Variants in CPN1 observed in about 807,000 individuals in gnomAD.
CPN1 encodes carboxypeptidase N catalytic chain.
A neutral mutation model predicts 46.4 loss-of-function variants in CPN1; 37 were observed. The ratio of observed to expected loss-of-function variants is 0.80; its 90% CI spans 0.61 to 1.05. The LOEUF (loss-of-function observed/expected upper bound fraction) is 1.05, where lower values mean the gene tolerates loss of function less well. Ranked by LOEUF, CPN1 falls within the 50% of genes least tolerant of loss-of-function variation. The probability of loss-of-function intolerance (pLI) is 0.00; values close to 1 mark genes in which losing one functional copy is unlikely to be tolerated. For missense variants in CPN1, 563 were observed against 602.6 expected (o/e 0.93, Z 0.69); for synonymous variants, 224 against 235.4 (o/e 0.95, Z 0.44).
intron 7 of CPN1, 87 bp downstream of exon 7, chr10:100,054,260 A>G: frequency 9.5e-7 from 1 of 1,048,780 alleles, no homozygotes; most frequent in Admixed American, 1.7e-5. Context: ...TGCTGGTTTC[A>G]CTAGCTTACA....
Position 100,042,371 on chromosome 10 carries a change from T to A in CPN1, c.*56A>T. ...ATAATAAAATAGAAAGAATGCTTGA[T>A]CTGATCTGAGAGCAGGAGCAAAGCC... On this transcript the variant is annotated 3_prime_UTR_variant, in exon 9 of 9. Transcript: ENST00000370418. The A allele has an allele frequency of 6.2e-7, 1 of 1,604,618 alleles. No homozygotes were observed. Among genetic ancestry groups the A allele is most frequent in the South Asian group, 1.1e-5 (1 of 90,852 alleles).
intron 4 of CPN1, 93 bp downstream of exon 4, chr10:100,065,095 G>A: frequency 1.4e-6 from 2 of 1,409,012 alleles, no homozygotes; most frequent in East Asian, 2.3e-5. Context: ...ATTTTCTGTG[G>A]CCTCGCACTG....
chr10:100,042,595 C>T, intron 8 of CPN1, 22 bp from the exon 9 acceptor site: 1 of 1,613,668 alleles, frequency 6.2e-7, no homozygotes, highest in African/African-American at 1.3e-5. Flanking sequence ...AAAGCAGGAG[C>T]TACGAGATCC....
At position 100,081,578 on chromosome 10, in the gene CPN1, C is replaced by T. The variant is rs562025469; in HGVS notation, c.48G>A (p.Lys16=). Residue 16 remains lysine, a synonymous_variant, in exon 1 of 9, where the codon AAG becomes AAA. Coordinates refer to ENST00000370418, the MANE Select transcript of CPN1 (RefSeq NM_001308.3). Reference sequence around the variant, plus strand: ...GGCGAAAGGTCACCGGGGCAACCAACTTGAAGAGAAGGAGGAGGTGGAGGA... The same window carrying T: ...GGCGAAAGGTCACCGGGGCAACCAATTTGAAGAGAAGGAGGAGGTGGAGGA... ...SVFLHLLLLF[K]LVAPVTFRHH... The T allele has an allele frequency of 3.1e-6, 5 of 1,614,200 alleles. No individual in the cohort carries two copies. The African/African-American group carries it at 5.3e-5, about 17-fold the overall frequency.
chr10:100,069,873 A>C lies in CPN1; in HGVS notation c.421-4T>G, dbSNP rs1387995902. 4.3e-6 allele frequency: 7 copies of C among 1,613,492 alleles called. No homozygotes were observed. The South Asian group carries it at 6.6e-5, about 15-fold the overall frequency. On this transcript the variant is annotated splice_polypyrimidine_tract_variant and splice_region_variant and intron_variant, in intron 2 of 8. Transcript: ENST00000370418. ...GATACCCAGGCTTGTTTGGGCCCTA[A>C]AGGAAAATGAAAAGATGAAAAATGA...
chr10:100,047,097 A>G lies in CPN1; in HGVS notation c.1230+1661T>C, dbSNP rs1269901114. Among the ~76,000 whole-genome samples the G allele has an allele frequency of 2.0e-5, 3 of 151,716 alleles. No individual in the cohort carries two copies. The East Asian group carries it at 5.9e-4, about 30-fold the overall frequency. ...GAAAAAAAAAAAAAATTAGCTGGAC[A>G]TGGCGGCATGTGCCTGTAGTCCCAG... is the stretch of plus-strand genomic sequence containing the variant. On this transcript the variant is annotated intron_variant, in intron 8 of 8. Coordinates refer to ENST00000370418, the MANE Select transcript of CPN1 (RefSeq NM_001308.3).
intron 5 of CPN1, among the ~76,000 whole-genome samples, chr10:100,059,483 T>TA (rs2041404894): frequency 6.7e-6 from 1 of 149,510 alleles, no homozygotes; most frequent in African/African-American, 2.5e-5. Flanking sequence ...AGAAGGTATA[T>TA]AAATAGCCAA....
intron 1 of CPN1, among the ~76,000 whole-genome samples, chr10:100,080,588 G>A (rs963765210): frequency 1.3e-5 from 2 of 152,026 alleles, no homozygotes; most frequent in African/African-American, 4.8e-5. Flanking sequence ...TTTTACAGTA[G>A]AAACAAACTA....
intron 2 of CPN1, among the ~76,000 whole-genome samples, chr10:100,074,172 TG>T (rs2041501587): frequency 6.6e-6 from 1 of 152,106 alleles, no homozygotes; most frequent in Non-Finnish European, 1.5e-5. Context: ...ACATCTTTGG[TG>T]GGGGGCATTA....
Position 100,075,912 on chromosome 10 carries a change from T to C in CPN1, c.419A>G (p.Gln140Arg). 1 of 1,613,950 alleles carries C rather than the reference T, an allele frequency of 6.2e-7. No homozygotes were observed. Among genetic ancestry groups the C allele is most frequent in the Non-Finnish European group, 8.5e-7 (1 of 1,180,038 alleles). Residue 140 changes from glutamine to arginine, a missense_variant and splice_region_variant, in exon 2 of 9, where the codon CAG (glutamine) becomes CGG (arginine). By Grantham distance (43) the Gln-to-Arg change is conservative (BLOSUM62 1). Coordinates refer to ENST00000370418, the MANE Select transcript of CPN1 (RefSeq NM_001308.3). ...CGGCATCTCCCTTGGACCTCGTACC[T>C]GGGCAGCAGCCACCTCGTAGCCGTC... is the stretch of plus-strand genomic sequence containing the variant. ...NPDGYEVAAA[Q>R]GPNKPGYLVG...
In CPN1 at chr10:100,054,430, T is replaced by C; in HGVS notation, c.1028A>G (p.Lys343Arg). 1 of 1,613,926 alleles carries C rather than the reference T, an allele frequency of 6.2e-7. No homozygotes were observed. Among genetic ancestry groups the C allele is most frequent in the Non-Finnish European group, 8.5e-7 (1 of 1,179,804 alleles). Residue 343 changes from lysine to arginine, a missense_variant, in exon 7 of 9, where the codon AAG (lysine) becomes AGG (arginine). Physicochemically the swap from Lys to Arg is conservative, Grantham distance 26. Coordinates refer to ENST00000370418, the MANE Select transcript of CPN1 (RefSeq NM_001308.3). The part of the protein sequence containing the change: ...QFLEQVHQGI[K>R]GMVLDENYNN... ...GTAATTCTCATCAAGCACCATTCCC[T>C]TGATGCCCTGGTGAACCTGCAGGAA...
intron 1 of CPN1, 32 bp downstream of exon 1, chr10:100,081,371 C>G: frequency 6.3e-7 from 1 of 1,590,526 alleles, no homozygotes; most frequent in Non-Finnish European, 8.6e-7. Flanking sequence ...AGGCCCTGCC[C>G]CACACACCCT....
intron 5 of CPN1, 83 bp from the exon 6 acceptor site, chr10:100,057,235 A>C (rs1264088999): frequency 2.7e-6 from 4 of 1,495,492 alleles, no homozygotes; most frequent in Non-Finnish European, 3.6e-6. Flanking sequence ...TCTCTTTTTA[A>C]AATTTTCTGT....
At position 100,042,317 on chromosome 10, in the gene CPN1, G is replaced by A. The variant is rs2041279131; in HGVS notation, c.*110C>T. 7.0e-7 allele frequency: 1 copy of A among 1,429,282 alleles called. No homozygotes were observed. The highest frequency in any genetic ancestry group is 9.8e-7 in the Non-Finnish European group (1 of 1,019,816). The allele number at this position is 1,429,282 out of a possible 1,614,324, so 88.5% of individuals were successfully genotyped here. A position where few individuals can be genotyped will look rare whatever the true frequency, so the allele number is the denominator to read the frequency against. The stretch of plus-strand genomic sequence containing the variant: ...GATGGAGACCATTCTGAATTGTTCT[G>A]AATATGTTTGTATTTAAATATGTCC... On this transcript the variant is annotated 3_prime_UTR_variant, in exon 9 of 9. Coordinates refer to ENST00000370418, the MANE Select transcript of CPN1 (RefSeq NM_001308.3).
chr10:100,071,935 T>C (rs563405209), intron 2 of CPN1, among the ~76,000 whole-genome samples: 1 of 152,304 alleles, frequency 6.6e-6, no homozygotes, highest in African/African-American at 2.4e-5. Context: ...TGACTATGTA[T>C]TTCCAAATAA....
intron 2 of CPN1, among the ~76,000 whole-genome samples, chr10:100,071,423 GACC>G (rs2041484402): frequency 1.3e-5 from 2 of 152,068 alleles, no homozygotes; most frequent in African/African-American, 4.8e-5. Context: ...TTGGCTCTTA[GACC>G]CATCACTCTA....
rs528097897 is a variant in CPN1 at position 100,042,764 on chromosome 10, C to T, written c.1231-191G>A. On this transcript the variant is annotated intron_variant, in intron 8 of 8. Transcript: ENST00000370418. The stretch of plus-strand genomic sequence containing the variant: ...ATCATTGGTGATAGATAGAGTGTGA[C>T]TGGATGAACTTAATATACATTGATT... 2.0e-5 allele frequency among the ~76,000 whole-genome samples: 3 copies of T among 152,084 alleles called. No homozygotes were observed. In the East Asian group the frequency reaches 5.8e-4, roughly 29 times the overall value.
At chr10:100,055,228 A>C (rs1188672881) in intron 6 of CPN1, among the ~76,000 whole-genome samples, 3 of 150,740 alleles carry the variant, frequency 2.0e-5, no homozygotes, top group Non-Finnish European at 4.4e-5. Context: ...ACAGAGTGAG[A>C]CTCCATCTAA....
intron 5 of CPN1, among the ~76,000 whole-genome samples, chr10:100,060,355 A>T (rs925226753): frequency 4.6e-5 from 7 of 152,102 alleles, no homozygotes; most frequent in Non-Finnish European, 1.0e-4. Flanking sequence ...TGAGGTCAGG[A>T]GTTTGAGAAC....
Sources: allele counts gnomAD v4.1 joint callset (sites outside exome capture counted in the v4.1 genomes callset), GRCh38; gene constraint gnomAD v4.1.1; transcripts MANE v1.5; gene names NCBI Gene and HGNC (gene_info 2026-07-23, HGNC 2026-07-21).